Variants in CERS6 observed in about 807,000 individuals in gnomAD.
CERS6 encodes the protein LAG1 homolog, ceramide synthase 6.
In CERS6, 26 loss-of-function variants were observed where a neutral mutation model predicts 56.8. That is an observed-to-expected ratio of 0.46 (90% CI 0.34 to 0.63). The LOEUF (loss-of-function observed/expected upper bound fraction) is 0.63, where lower values mean the gene tolerates loss of function less well. Ranked by LOEUF, CERS6 falls within the 30% of genes least tolerant of loss-of-function variation. The pLI is 0.01. For missense variants in CERS6, 415 were observed against 467.5 expected (o/e 0.89, Z 1.04); for synonymous variants, 164 against 173.3 (o/e 0.95, Z 0.42).
intron 1 of CERS6, among the ~76,000 whole-genome samples, chr2:168,508,227 G>A (rs941531713): frequency 6.6e-6 from 1 of 152,200 alleles, no homozygotes; most frequent in South Asian, 2.1e-4. Flanking sequence ...TTGAATAAAT[G>A]TATAACTTTA....
intron 4 of CERS6, among the ~76,000 whole-genome samples, chr2:168,654,587 A>G (rs986727469): frequency 2.0e-5 from 3 of 152,086 alleles, no homozygotes; most frequent in Admixed American, 1.3e-4. Flanking sequence ...GTATACTGTA[A>G]TTCACAAGGT....
rs112551245 is a variant in CERS6, at chr2:168,549,591, C to T, written c.276+1890C>T. ...CGGAGGTTGCAGTGAGCAGAGATCACGCCACTGCACTCCAGCCTGGCAATG... is the reference window on the plus strand; with the variant it reads ...CGGAGGTTGCAGTGAGCAGAGATCATGCCACTGCACTCCAGCCTGGCAATG... On this transcript the variant is annotated intron_variant, in intron 2 of 9. Transcript: ENST00000305747. Among the ~76,000 whole-genome samples, 926 of 152,262 alleles carry T rather than the reference C, an allele frequency of 6.1e-3. 5 individuals carry two copies. The highest frequency in any genetic ancestry group is 0.021 in the African/African-American group (865 of 41,540).
At chr2:168,740,770 G>C (rs1048347154) in intron 8 of CERS6, among the ~76,000 whole-genome samples, 46 of 152,294 alleles carry the variant, frequency 3.0e-4, no homozygotes, top group African/African-American at 9.6e-4. Context: ...ACAAAATACT[G>C]CCACATGATT....
chr2:168,687,257 T>A (rs1049360754), intron 4 of CERS6, among the ~76,000 whole-genome samples: 4 of 152,256 alleles, frequency 2.6e-5, no homozygotes, highest in Admixed American at 6.5e-5. Context: ...TCGCAAAGAT[T>A]AGAAATAATT....
chr2:168,561,397 C>G, intron 3 of CERS6, 75 bp downstream of exon 3: 3 of 1,539,020 alleles, frequency 1.9e-6, no homozygotes, highest in Admixed American at 1.8e-5. Context: ...AATAAAAGAT[C>G]TGTGCAGGCT....
chr2:168,736,891 C>A (rs1481484796), intron 8 of CERS6, among the ~76,000 whole-genome samples: 3 of 152,224 alleles, frequency 2.0e-5, no homozygotes, highest in Non-Finnish European at 4.4e-5. Context: ...TGCTACCTCG[C>A]CCTCACAGAA....
intron 6 of CERS6, 70 bp downstream of exon 6, chr2:168,695,121 A>G: frequency 8.2e-7 from 1 of 1,215,558 alleles, no homozygotes; most frequent in Non-Finnish European, 1.2e-6. Flanking sequence ...GTGGGTTTAG[A>G]CTCTCAAAGG....
intron 4 of CERS6, among the ~76,000 whole-genome samples, chr2:168,666,933 A>G (rs568027390): frequency 3.9e-5 from 6 of 152,320 alleles, no homozygotes; most frequent in Admixed American, 6.5e-5. Flanking sequence ...TTAATAATGC[A>G]TATCTTGTGT....
intron 3 of CERS6, among the ~76,000 whole-genome samples, chr2:168,572,221 A>G (rs1696002283): frequency 6.6e-6 from 1 of 152,190 alleles, no homozygotes; most frequent in Admixed American, 6.5e-5. Context: ...ATTAGTATAT[A>G]ATAGGTTTTC....
intron 4 of CERS6, 21 bp downstream of exon 4, chr2:168,631,063 T>G: frequency 7.6e-7 from 1 of 1,317,418 alleles, no homozygotes; most frequent in Non-Finnish European, 1.1e-6. Flanking sequence ...TCAAACTATT[T>G]TACATGATTC....
chr2:168,461,765 A>G (rs1296361472), intron 1 of CERS6, among the ~76,000 whole-genome samples: 2 of 152,248 alleles, frequency 1.3e-5, no homozygotes, highest in Non-Finnish European at 2.9e-5. Flanking sequence ...ATGTAATGTC[A>G]TCTAGGATTA....
intron 4 of CERS6, among the ~76,000 whole-genome samples, chr2:168,677,184 A>C (rs1418377041): frequency 1.3e-5 from 2 of 149,790 alleles, no homozygotes; most frequent in Non-Finnish European, 3.0e-5. Context: ...CCCACCCCCC[A>C]ACAGGCCCTG....
At chr2:168,681,836 T>C (rs968258318) in intron 4 of CERS6, among the ~76,000 whole-genome samples, 1 of 152,200 alleles carries the variant, frequency 6.6e-6, no homozygotes, top group Non-Finnish European at 1.5e-5. Flanking sequence ...TATACTCTAC[T>C]TCTATGAGAT....
intron 1 of CERS6, among the ~76,000 whole-genome samples, chr2:168,535,601 T>A (rs2105365182): frequency 6.6e-6 from 1 of 151,582 alleles, no homozygotes; most frequent in East Asian, 1.9e-4. Flanking sequence ...TTCTTTTTGA[T>A]TGGAGCCTCA....
intron 2 of CERS6, among the ~76,000 whole-genome samples, chr2:168,558,494 G>A (rs187254142): frequency 3.9e-4 from 60 of 152,340 alleles, no homozygotes; most frequent in Non-Finnish European, 6.0e-4. Flanking sequence ...ACAAATGTCT[G>A]TAGTATGCAA....
rs2105312067 is a variant in CERS6, at chr2:168,456,528, C to T, written c.80C>T (p.Thr27Met). 9.3e-6 allele frequency: 15 copies of T among 1,614,020 alleles called. No homozygotes were observed. The highest frequency in any genetic ancestry group is 1.3e-5 in the Non-Finnish European group (15 of 1,179,896). Reference protein sequence around the residue: ...HNVTWADLKNTEEATFPQAED... With the variant: ...HNVTWADLKNMEEATFPQAED... ...GTCACCTGGGCGGACCTGAAGAACACGGAGGAGGCCACCTTCCCGCAGGCT... is the reference window on the plus strand; with the variant it reads ...GTCACCTGGGCGGACCTGAAGAACATGGAGGAGGCCACCTTCCCGCAGGCT... The change falls in exon 1 of 10, where the codon ACG becomes ATG. Residue 27 changes from threonine to methionine, a missense_variant. Thr to Met is a moderately conservative substitution (Grantham distance 81). Transcript: ENST00000305747. The surrounding 1 kb of genome is among the most constrained non-coding windows in gnomAD (Gnocchi z 4.1).
At chr2:168,508,716 TG>T (rs1694724778) in intron 1 of CERS6, among the ~76,000 whole-genome samples, 1 of 133,130 alleles carries the variant, frequency 7.5e-6, no homozygotes, top group Admixed American at 7.4e-5. Flanking sequence ...TGTCGGGGGG[TG>T]GGGGGTAGGG....
At chr2:168,552,179 C>A (rs1185147011) in intron 2 of CERS6, among the ~76,000 whole-genome samples, 2 of 152,034 alleles carry the variant, frequency 1.3e-5, no homozygotes, top group African/African-American at 2.4e-5. Flanking sequence ...TTCTTTGCCT[C>A]CCAGTACTGG....
chr2:168,550,352 T>A (rs939754719), intron 2 of CERS6, among the ~76,000 whole-genome samples: 7 of 151,890 alleles, frequency 4.6e-5, no homozygotes, highest in Non-Finnish European at 8.8e-5. Flanking sequence ...ATGTAAAAAA[T>A]TTTTTTGGAG....
Sources: gnomAD v4.1 joint callset for allele counts (sites outside exome capture counted in the v4.1 genomes callset) on GRCh38, gnomAD v4.1.1 for gene constraint, Gnocchi (gnomAD v3.1) non-coding constraint, MANE v1.5 for transcripts, NCBI Gene and HGNC (gene_info 2026-07-23, HGNC 2026-07-21) for gene names.